MAPKAPK5: variants seen among roughly 807,000 people sequenced by gnomAD.
MAPKAPK5 encodes the protein MAP kinase-activated protein kinase 5.
In MAPKAPK5, 30 loss-of-function variants were observed where a neutral mutation model predicts 65.1. The observed-to-expected ratio is 0.46, with a 90% CI of 0.34 to 0.63. The LOEUF (loss-of-function observed/expected upper bound fraction) is 0.63. Ranked by LOEUF, MAPKAPK5 falls within the 20% of genes least tolerant of loss-of-function variation. MAPKAPK5 has a pLI of 0.01. For synonymous variants in MAPKAPK5, 179 were observed against 204.6 expected (o/e 0.87, Z 1.07); for missense variants, 433 against 581.4 (o/e 0.74, Z 2.63).
chr12:111,891,035 G>T (rs535439489), intron 13 of MAPKAPK5, among the ~76,000 whole-genome samples: 1 of 152,258 alleles, frequency 6.6e-6, no homozygotes, highest in East Asian at 1.9e-4. Flanking sequence ...AGGGAAGGGA[G>T]CAAACTGAAG....
At chr12:111,877,384 T>C (rs548825684) in intron 7 of MAPKAPK5, among the ~76,000 whole-genome samples, 116 of 152,152 alleles carry the variant, frequency 7.6e-4, no homozygotes, top group Non-Finnish European at 1.4e-3. Flanking sequence ...TTTAATGCAG[T>C]GTATGAAAGT....
chr12:111,844,912 A>C (rs1387217615), intron 1 of MAPKAPK5, among the ~76,000 whole-genome samples: 1 of 152,226 alleles, frequency 6.6e-6, no homozygotes, highest in Non-Finnish European at 1.5e-5. Context: ...GCAGTGGGTC[A>C]GTGGAGATGA....
rs1448613011 is a variant in MAPKAPK5 at position 111,899,773 on chromosome 12, C to G, written c.*6712C>G. 2.7e-6 allele frequency: 1 copy of G among 374,354 alleles called. No individual in the cohort carries two copies. The highest frequency in any genetic ancestry group is 7.4e-5 in the East Asian group (1 of 13,550). The allele number at this position is 374,354 out of a possible 1,614,324, so 23.2% of individuals were successfully genotyped here. The stretch of plus-strand genomic sequence containing the variant: ...ATCTGTGCAGGTCTCAGGGGCACAT[C>G]CTCCTGATTAAGGAGGAAAAATCTT... On this transcript the variant is annotated 3_prime_UTR_variant, in exon 14 of 14. Coordinates refer to ENST00000550735, the MANE Select transcript of MAPKAPK5 (RefSeq NM_003668.4).
At chr12:111,847,180 TAAAA>T (rs922823787) in intron 1 of MAPKAPK5, among the ~76,000 whole-genome samples, 4 of 150,660 alleles carry the variant, frequency 2.7e-5, no homozygotes, top group Non-Finnish European at 5.9e-5. Flanking sequence ...CCATCTCTAC[TAAAA>T]AAAACAAAAA....
chr12:111,844,375 T>G (rs1199698701), intron 1 of MAPKAPK5, among the ~76,000 whole-genome samples: 2 of 151,634 alleles, frequency 1.3e-5, no homozygotes, highest in Non-Finnish European at 2.9e-5. Flanking sequence ...GTATTTTTAG[T>G]AGAGGTGGGG....
At chr12:111,882,772 T>C in intron 8 of MAPKAPK5, 1 of 984,666 alleles carries the variant, frequency 1.0e-6, no homozygotes, top group Non-Finnish European at 1.2e-6. Context: ...CATTTAGACC[T>C]TCTGTTCTTC....
In MAPKAPK5 at chr12:111,869,752, C is replaced by A. The variant is rs1259578022; in HGVS notation, c.394-519C>A. ...CTGATAATCTTCTATAAAATAAAAC[C>A]CCTTCAAATCCACATAAACAGGCAA... On this transcript the variant is annotated intron_variant, in intron 5 of 13. Coordinates refer to ENST00000550735, the MANE Select transcript of MAPKAPK5 (RefSeq NM_003668.4). 3.3e-5 allele frequency among the ~76,000 whole-genome samples: 5 copies of A among 152,006 alleles called. No individual in the cohort carries two copies. In the East Asian group the frequency reaches 5.8e-4, roughly 18 times the overall value.
At chr12:111,847,344 CAAAAAAA>C (rs58150812) in intron 1 of MAPKAPK5, among the ~76,000 whole-genome samples, 21 of 103,336 alleles carry the variant, frequency 2.0e-4, no homozygotes, top group African/African-American at 6.8e-4. Flanking sequence ...TGAGACTCTG[CAAAAAAA>C]AAAAAAAAAA....
chr12:111,887,045 A>G (rs2070429087), intron 10 of MAPKAPK5, among the ~76,000 whole-genome samples: 1 of 152,124 alleles, frequency 6.6e-6, no homozygotes, highest in Non-Finnish European at 1.5e-5. Context: ...GGAGTCTTTT[A>G]GGTTTTAGAT....
chr12:111,873,905 A>G (rs970583057), intron 7 of MAPKAPK5, among the ~76,000 whole-genome samples: 3 of 152,010 alleles, frequency 2.0e-5, no homozygotes, highest in Non-Finnish European at 4.4e-5. Flanking sequence ...TATTTAATCT[A>G]TAGGTGAATT....
At chr12:111,887,363 C>T (rs887604600) in intron 10 of MAPKAPK5, among the ~76,000 whole-genome samples, 12 of 152,140 alleles carry the variant, frequency 7.9e-5, no homozygotes, top group African/African-American at 2.4e-5. Context: ...ATAGAGGTTA[C>T]TCAAGATCTT....
chr12:111,893,033 A>C lies in MAPKAPK5; in HGVS notation c.1388A>C (p.Glu463Ala), dbSNP rs1279804064. 2.5e-6 allele frequency: 4 copies of C among 1,582,548 alleles called. No homozygotes were observed. ...GAAATTGTGAAGCAGGTGATAGAAG[A>C]GCAAACCACGTCCCACGAATCCCAA... ...LAEIVKQVIE[E>A]QTTSHESQ The change falls in exon 14 of 14, where the codon GAG (glutamate) becomes GCG (alanine). Residue 463 changes from glutamate (E) to alanine (A), a missense_variant. Glu to Ala is a moderately radical substitution (Grantham distance 107). Coordinates refer to ENST00000550735, the MANE Select transcript of MAPKAPK5 (RefSeq NM_003668.4).
At chr12:111,849,286 G>A (rs1473279999) in intron 1 of MAPKAPK5, among the ~76,000 whole-genome samples, 1 of 142,250 alleles carries the variant, frequency 7.0e-6, no homozygotes, top group African/African-American at 2.6e-5. Context: ...AAGTCTTGCT[G>A]CTCTTGTTGC....
rs2071077106 is a variant in MAPKAPK5, at chr12:111,901,838, T to A, written c.*8777T>A. ...GATATACTGATGTAGAAGGAAGGAT[T>A]CTTTCACTTTTATTATTTATTTTGG... On this transcript the variant is annotated 3_prime_UTR_variant, in exon 14 of 14. Coordinates refer to ENST00000550735, the MANE Select transcript of MAPKAPK5 (RefSeq NM_003668.4). 1 of 154,404 alleles carries A rather than the reference T, an allele frequency of 6.5e-6. No homozygotes were observed. The highest frequency in any genetic ancestry group is 2.4e-5 in the African/African-American group (1 of 41,480). 9.6% of individuals were successfully genotyped at this position (154,404 alleles called of 1,614,324 possible). A position where few individuals can be genotyped will look rare whatever the true frequency, so the allele number is the denominator to read the frequency against.
At chr12:111,861,809 T>C (rs985982740) in intron 1 of MAPKAPK5, among the ~76,000 whole-genome samples, 2 of 152,194 alleles carry the variant, frequency 1.3e-5, no homozygotes, top group African/African-American at 4.8e-5. Flanking sequence ...GTTGTTGTAG[T>C]GTGAAAGCAG....
chr12:111,893,074 A>C lies in MAPKAPK5; in HGVS notation c.*13A>C. The C allele has an allele frequency of 1.3e-6, 2 of 1,529,784 alleles. No homozygotes were observed. Among genetic ancestry groups the C allele is most frequent in the Non-Finnish European group, 1.8e-6 (2 of 1,138,720 alleles). 94.8% of individuals were successfully genotyped at this position (1,529,784 alleles called of 1,614,324 possible). A position where few individuals can be genotyped will look rare whatever the true frequency, so the allele number is the denominator to read the frequency against. On this transcript the variant is annotated 3_prime_UTR_variant, in exon 14 of 14. Coordinates refer to ENST00000550735, the MANE Select transcript of MAPKAPK5 (RefSeq NM_003668.4). ...CGAATCCCAATAATGACAGCTTCAG[A>C]CTTTGTTTTTTTAACAATTTGAAAA...
In MAPKAPK5 at chr12:111,870,327, G is replaced by A. The variant is rs1231215432; in HGVS notation, c.450G>A (p.Lys150=). The A allele has an allele frequency of 6.2e-7, 1 of 1,610,722 alleles. No homozygotes were observed. Among genetic ancestry groups the A allele is most frequent in the Non-Finnish European group, 8.5e-7 (1 of 1,177,346 alleles). Residue 150 remains lysine (K), a synonymous_variant, in exon 6 of 14, where the codon AAG becomes AAA. Coordinates refer to ENST00000550735, the MANE Select transcript of MAPKAPK5 (RefSeq NM_003668.4). The part of the protein sequence containing the change: ...HLLNIAHRDL[K]PENLLFKDNS... Reference sequence around the variant, plus strand: ...TAAACATTGCGCACAGAGACCTCAAGCCTGAAAATCTGCTTTTTAAGGATA... The same window carrying A: ...TAAACATTGCGCACAGAGACCTCAAACCTGAAAATCTGCTTTTTAAGGATA...
At position 111,863,172 on chromosome 12, in the gene MAPKAPK5, G is replaced by A. The variant is rs575134429; in HGVS notation, c.37-2078G>A. Among the ~76,000 whole-genome samples the A allele has an allele frequency of 2.1e-4, 32 of 152,258 alleles. No homozygotes were observed. The South Asian group carries it at 6.2e-3, about 30-fold the overall frequency. On this transcript the variant is annotated intron_variant, in intron 1 of 13. Transcript: ENST00000550735. ...AGAGCCATAGATTATAGCCTAGATAGTGCCCATAACTCACTGTGTGACCTT... is the reference window on the plus strand; with the variant it reads ...AGAGCCATAGATTATAGCCTAGATAATGCCCATAACTCACTGTGTGACCTT...
intron 7 of MAPKAPK5, among the ~76,000 whole-genome samples, chr12:111,878,222 T>A (rs2070061213): frequency 6.6e-6 from 1 of 152,052 alleles, no homozygotes; most frequent in South Asian, 2.1e-4. Flanking sequence ...TTGAAAATCT[T>A]TGTCTCACCC....
Sources: gnomAD v4.1 joint callset for allele counts (sites outside exome capture counted in the v4.1 genomes callset) on GRCh38, gnomAD v4.1.1 for gene constraint, MANE v1.5 for transcripts, NCBI Gene and HGNC (gene_info 2026-07-23, HGNC 2026-07-21) for gene names.